The following DENND1A variants were observed in gnomAD, a reference collection of about 807,000 sequenced individuals.
DENND1A encodes DENN domain containing 1A.
In DENND1A, 51 loss-of-function variants were observed where a neutral mutation model predicts 113.7. The ratio of observed to expected loss-of-function variants is 0.45; its 90% CI spans 0.36 to 0.57. The LOEUF (loss-of-function observed/expected upper bound fraction) is 0.57, where lower values mean the gene tolerates loss of function less well. DENND1A is among the 20% of genes least tolerant of loss of function. The pLI is 0.00. For missense variants in DENND1A, 1,258 were observed against 1,395.9 expected (o/e 0.90, Z 1.57); for synonymous variants, 565 against 570.8 (o/e 0.99, Z 0.14).
intron 12 of DENND1A, among the ~76,000 whole-genome samples, chr9:123,565,167 T>C (rs2057984250): frequency 6.6e-6 from 1 of 152,088 alleles, no homozygotes; most frequent in South Asian, 2.1e-4. Context: ...AATTTTTGTA[T>C]TTTTAGTGGA....
chr9:123,490,740 T>C (rs910041524), intron 13 of DENND1A, among the ~76,000 whole-genome samples: 1 of 152,252 alleles, frequency 6.6e-6, no homozygotes, highest in African/African-American at 2.4e-5. Flanking sequence ...ATGCTATAAT[T>C]TCAATACTTA....
chr9:123,754,311 G>A (rs2070337434), intron 5 of DENND1A, among the ~76,000 whole-genome samples: 1 of 152,186 alleles, frequency 6.6e-6, no homozygotes, highest in Non-Finnish European at 1.5e-5. Context: ...AGCTTTAACA[G>A]TAAACCCTTC....
At chr9:123,415,739 C>T (rs772703575) in intron 19 of DENND1A, among the ~76,000 whole-genome samples, 9 of 152,166 alleles carry the variant, frequency 5.9e-5, no homozygotes, top group Non-Finnish European at 1.2e-4. Context: ...TCACGAGGGC[C>T]CTGCTGCAGG....
intron 2 of DENND1A, among the ~76,000 whole-genome samples, chr9:123,811,813 A>G (rs1475588462): frequency 6.6e-6 from 1 of 152,224 alleles, no homozygotes; most frequent in East Asian, 1.9e-4. Flanking sequence ...ACATCCATCA[A>G]TATATTTTTA....
intron 5 of DENND1A, among the ~76,000 whole-genome samples, chr9:123,707,953 A>T (rs558609436): frequency 6.6e-6 from 1 of 152,286 alleles, no homozygotes; most frequent in African/African-American, 2.4e-5. Context: ...TGAGTAGACG[A>T]AAGGGGATGG....
At chr9:123,512,939 C>T (rs1296520731) in intron 13 of DENND1A, among the ~76,000 whole-genome samples, 4 of 152,242 alleles carry the variant, frequency 2.6e-5, no homozygotes, top group Non-Finnish European at 1.5e-5. Flanking sequence ...GTCTGCCTCA[C>T]AGATGTGCAA....
intron 5 of DENND1A, among the ~76,000 whole-genome samples, chr9:123,693,580 T>C (rs2065307865): frequency 1.3e-5 from 2 of 152,032 alleles, no homozygotes; most frequent in African/African-American, 4.8e-5. Context: ...TAAGTCTGGC[T>C]TCTATCATGA....
chr9:123,649,440 C>T (rs373309521), intron 9 of DENND1A, among the ~76,000 whole-genome samples: 2 of 152,060 alleles, frequency 1.3e-5, no homozygotes, highest in Non-Finnish European at 2.9e-5. Flanking sequence ...ATACAAGTGT[C>T]GCAGGAAAAG....
intron 10 of DENND1A, among the ~76,000 whole-genome samples, chr9:123,628,759 T>C (rs1361294194): frequency 1.3e-5 from 2 of 151,858 alleles, no homozygotes; most frequent in Admixed American, 6.6e-5. Flanking sequence ...AGAGACACAG[T>C]GAAAAAAATG....
rs2045356876 is a variant in DENND1A, at chr9:123,422,101, T to C, written c.1489-10272A>G. ...GGCACTCCTACCTCTGTCCTTCCCC[T>C]AAGAAGGTGAGTCCTTGAGGGTTCA... On this transcript the variant is annotated intron_variant, in intron 19 of 23. Coordinates refer to ENST00000394215, the MANE Select transcript of DENND1A (RefSeq NM_001352964.2). The surrounding 1 kb of genome is among the most constrained non-coding windows in gnomAD (Gnocchi z 4.8). 6.6e-6 allele frequency among the ~76,000 whole-genome samples: 1 copy of C among 152,200 alleles called. No homozygotes were observed. Among genetic ancestry groups the C allele is most frequent in the African/African-American group, 2.4e-5 (1 of 41,442 alleles).
intron 1 of DENND1A, among the ~76,000 whole-genome samples, chr9:123,890,622 A>G (rs1258216715): frequency 2.0e-5 from 3 of 152,192 alleles, no homozygotes; most frequent in Non-Finnish European, 2.9e-5. Flanking sequence ...AGCACTTTTC[A>G]TCTATTATTT....
intron 4 of DENND1A, among the ~76,000 whole-genome samples, chr9:123,758,831 T>C (rs561987674): frequency 1.3e-5 from 2 of 152,322 alleles, no homozygotes; most frequent in South Asian, 4.1e-4. Flanking sequence ...AGATGTAGTC[T>C]CGCTCTGTTG....
In DENND1A at chr9:123,602,087, G is replaced by T. The variant is rs1036142538; in HGVS notation, c.765+7349C>A. On this transcript the variant is annotated intron_variant, in intron 11 of 23. Coordinates refer to ENST00000394215, the MANE Select transcript of DENND1A (RefSeq NM_001352964.2). ...GAAGGCCTGGGTACAAATTACAGTC[G>T]TCTCTCAGTATCTGAGGGGGATTGG... Among the ~76,000 whole-genome samples the T allele has an allele frequency of 2.6e-5, 4 of 152,318 alleles. No individual in the cohort carries two copies. In the East Asian group the frequency reaches 5.8e-4, roughly 22 times the overall value.
At chr9:123,850,039 A>T (rs1218954863) in intron 2 of DENND1A, among the ~76,000 whole-genome samples, 3 of 152,258 alleles carry the variant, frequency 2.0e-5, no homozygotes, top group Non-Finnish European at 4.4e-5. Flanking sequence ...TTTTGGTGAA[A>T]ACATTGTAAA....
intron 2 of DENND1A, among the ~76,000 whole-genome samples, chr9:123,821,930 C>T (rs1838548621): frequency 6.6e-6 from 1 of 152,170 alleles, no homozygotes; most frequent in Admixed American, 6.5e-5. Context: ...AAATCAACAG[C>T]ATCAAAGGTT....
rs10585300 is a variant in DENND1A at position 123,607,520 on chromosome 9, C to G, written c.765+1916G>C. ...ACACACACACACACACACACACACA[C>G]AGAGAGAGAGAGAGAGAGAGAGAGA... On this transcript the variant is annotated intron_variant, in intron 11 of 23. Transcript: ENST00000394215. Among the ~76,000 whole-genome samples the G allele has an allele frequency of 5.7e-3, 420 of 73,824 alleles. 3 individuals carry two copies. The highest frequency in any genetic ancestry group is 0.019 in the African/African-American group (274 of 14,806). The allele number at this position is 73,824 out of a possible 152,430, so 48.4% of individuals were successfully genotyped here. A position where few individuals can be genotyped will look rare whatever the true frequency, so the allele number is the denominator to read the frequency against.
At chr9:123,765,112 T>C (rs1377430715) in intron 4 of DENND1A, among the ~76,000 whole-genome samples, 1 of 152,220 alleles carries the variant, frequency 6.6e-6, no homozygotes, top group African/African-American at 2.4e-5. Context: ...TCTCTCAGTT[T>C]CCTACTTCTC....
intron 11 of DENND1A, among the ~76,000 whole-genome samples, chr9:123,587,117 G>A (rs2059211974): frequency 6.6e-6 from 1 of 151,896 alleles, no homozygotes; most frequent in Middle Eastern, 3.2e-3. Flanking sequence ...GGATATACCA[G>A]CATTTATTAT....
chr9:123,680,922 C>T (rs1045079444), intron 5 of DENND1A, among the ~76,000 whole-genome samples: 1 of 152,156 alleles, frequency 6.6e-6, no homozygotes, highest in Non-Finnish European at 1.5e-5. Context: ...TGGGAGAATG[C>T]TGGTCCACAG....
Sources: gnomAD v4.1 joint callset for allele counts (sites outside exome capture counted in the v4.1 genomes callset) on GRCh38, gnomAD v4.1.1 for gene constraint, Gnocchi (gnomAD v3.1) non-coding constraint, MANE v1.5 for transcripts, NCBI Gene and HGNC (gene_info 2026-07-23, HGNC 2026-07-21) for gene names.